The following STK4 variants were observed in gnomAD, a reference collection of about 807,000 sequenced individuals.
STK4 encodes the protein serine/threonine-protein kinase 4.
STK4 carries 30 observed loss-of-function variants against 64.9 expected under a neutral mutation model. The observed-to-expected ratio is 0.46, with a 90% confidence interval of 0.35 to 0.63. STK4 has a LOEUF of 0.63. STK4 is among the 20% of genes least tolerant of loss of function. The pLI, the probability that STK4 is intolerant of heterozygous loss-of-function variation, is 0.01. For missense variants in STK4, 466 were observed against 598.5 expected (o/e 0.78, Z 2.31); for synonymous variants, 177 against 199.0 (o/e 0.89, Z 0.93).
Position 45,001,232 on chromosome 20 carries a change from A to C in STK4, c.1026A>C (p.Arg342=), listed in dbSNP as rs545569053. The C allele has an allele frequency of 1.9e-6, 3 of 1,614,168 alleles. No homozygotes were observed. Among genetic ancestry groups the C allele is most frequent in the African/African-American group, 2.7e-5 (2 of 75,058 alleles). Reference sequence around the variant, plus strand: ...TGGGTGATGAGATGGGCACTGTCCGAGTAGCCAGCACCATGACTGATGGAG... The same window carrying C: ...TGGGTGATGAGATGGGCACTGTCCGCGTAGCCAGCACCATGACTGATGGAG... ...RAVGDEMGTV[R]VASTMTDGAN... is the part of the protein sequence containing the mutation. Residue 342 remains arginine (R), a synonymous_variant, in exon 9 of 11, where the codon CGA becomes CGC. Coordinates refer to ENST00000372806, the MANE Select transcript of STK4 (RefSeq NM_006282.5).
chr20:45,070,744 G>A (rs1296191872), intron 10 of STK4, among the ~76,000 whole-genome samples: 1 of 151,982 alleles, frequency 6.6e-6, no homozygotes, highest in Non-Finnish European at 1.5e-5. Context: ...AAATCTAGCC[G>A]AGCGCAGGTG....
chr20:45,016,950 CCTT>C (rs1052458913), intron 9 of STK4, among the ~76,000 whole-genome samples: 2 of 152,080 alleles, frequency 1.3e-5, no homozygotes, highest in Admixed American at 6.6e-5. Context: ...GCTGTTCTGA[CCTT>C]CTTTTGTTCA....
intron 4 of STK4, 63 bp downstream of exon 4, chr20:44,982,006 C>T: frequency 8.6e-7 from 1 of 1,159,154 alleles, no homozygotes; most frequent in Non-Finnish European, 1.3e-6. Context: ...TTTTCTCTGC[C>T]TCTTTTTCAG....
chr20:45,012,796 C>CT (rs11472577), intron 9 of STK4, among the ~76,000 whole-genome samples: 14,346 of 77,466 alleles, frequency 0.19, 2,844 homozygotes, highest in African/African-American at 0.46. Context: ...TCTTCTTCTT[C>CT]TTCTTTTTTT....
At chr20:44,992,242 ATTT>A (rs1200207330) in intron 5 of STK4, among the ~76,000 whole-genome samples, 2 of 149,350 alleles carry the variant, frequency 1.3e-5, no homozygotes, top group Non-Finnish European at 1.5e-5. Flanking sequence ...TGTTTTTTTT[ATTT>A]TTTATTATTT....
intron 10 of STK4, among the ~76,000 whole-genome samples, chr20:45,059,647 A>G (rs1435024722): frequency 6.6e-6 from 1 of 152,224 alleles, no homozygotes; most frequent in Non-Finnish European, 1.5e-5. Flanking sequence ...TATTTCTGGA[A>G]GTTTCCATTT....
chr20:45,008,253 C>T (rs1827032160), intron 9 of STK4, among the ~76,000 whole-genome samples: 1 of 152,180 alleles, frequency 6.6e-6, no homozygotes, highest in Non-Finnish European at 1.5e-5. Context: ...CAGGGTTTCA[C>T]CATGTCGTCC....
intron 6 of STK4, among the ~76,000 whole-genome samples, chr20:44,996,924 C>G (rs1568702475): frequency 6.6e-6 from 1 of 151,642 alleles, no homozygotes; most frequent in African/African-American, 2.4e-5. Flanking sequence ...AATAAAAAAG[C>G]TTGATTGATG....
intron 9 of STK4, among the ~76,000 whole-genome samples, chr20:45,021,447 C>G (rs1162026901): frequency 6.6e-6 from 1 of 152,194 alleles, no homozygotes; most frequent in Non-Finnish European, 1.5e-5. Context: ...CACTCTCACA[C>G]ATGAAGAAAG....
intron 10 of STK4, among the ~76,000 whole-genome samples, chr20:45,025,912 G>C (rs936815601): frequency 6.6e-6 from 1 of 152,134 alleles, no homozygotes; most frequent in African/African-American, 2.4e-5. Context: ...CTATACTACT[G>C]ACTGGCCTAG....
intron 9 of STK4, among the ~76,000 whole-genome samples, chr20:45,016,434 G>A (rs1824651920): frequency 6.6e-6 from 1 of 152,132 alleles, no homozygotes; most frequent in Admixed American, 6.6e-5. Flanking sequence ...CAGACATCTT[G>A]GTACTTAGGT....
chr20:44,967,727 CT>C (rs2067176651), intron 1 of STK4, among the ~76,000 whole-genome samples: 1 of 152,168 alleles, frequency 6.6e-6, no homozygotes, highest in African/African-American at 2.4e-5. Context: ...GGGCAGCACT[CT>C]TAGGGGTTGT....
At chr20:45,070,584 G>T (rs1979969117) in intron 10 of STK4, among the ~76,000 whole-genome samples, 1 of 152,106 alleles carries the variant, frequency 6.6e-6, no homozygotes, top group Admixed American at 6.6e-5. Flanking sequence ...TTTTGCTTTG[G>T]ATGTGTTAAG....
In STK4 at chr20:45,077,131, G is replaced by A. The variant is rs2145495900; in HGVS notation, c.*1955G>A. ...AAAGATTCCTTCCCAAGGTCATGCA[G>A]CTAGTAAATGATAGAATCAGGATTC... On this transcript the variant is annotated 3_prime_UTR_variant, in exon 11 of 11. Transcript: ENST00000372806. The A allele has an allele frequency of 6.6e-6, 1 of 152,310 alleles. No homozygotes were observed. The highest frequency in any genetic ancestry group is 3.4e-3 in the Middle Eastern group (1 of 294). 9.4% of individuals were successfully genotyped at this position (152,310 alleles called of 1,614,324 possible).
At chr20:45,027,616 T>G (rs1349257351) in intron 10 of STK4, among the ~76,000 whole-genome samples, 1 of 152,200 alleles carries the variant, frequency 6.6e-6, no homozygotes, top group Admixed American at 6.5e-5. Context: ...TTTTTCTTTG[T>G]GTTGGGAACA....
rs979343194 is a variant in STK4 at position 45,024,888 on chromosome 20, A to T, written c.1148-85A>T. The T allele has an allele frequency of 2.3e-6, 3 of 1,302,130 alleles. No individual in the cohort carries two copies. In the East Asian group the frequency reaches 8.2e-5, roughly 36 times the overall value. The allele number at this position is 1,302,130 out of a possible 1,614,324, so 80.7% of individuals were successfully genotyped here. A position where few individuals can be genotyped will look rare whatever the true frequency, so the allele number is the denominator to read the frequency against. On this transcript the variant is annotated intron_variant, in intron 9 of 10. Coordinates refer to ENST00000372806, the MANE Select transcript of STK4 (RefSeq NM_006282.5). ...AAATATCCACTGATCCAGAGATTGT[A>T]GCCCATCTGGAGATATGTCTATTTA...
chr20:44,995,031 T>A, intron 5 of STK4, 59 bp from the exon 6 acceptor site: 4 of 1,245,878 alleles, frequency 3.2e-6, no homozygotes, highest in Non-Finnish European at 4.3e-6. Flanking sequence ...GTAGACTTCC[T>A]CTGTGGACAT....
chr20:44,966,536 A>C lies in STK4; in HGVS notation c.-33A>C. 7.9e-7 allele frequency: 1 copy of C among 1,259,616 alleles called. No individual in the cohort carries two copies. Among genetic ancestry groups the C allele is most frequent in the South Asian group, 3.4e-5 (1 of 29,522 alleles). 78.0% of individuals were successfully genotyped at this position (1,259,616 alleles called of 1,614,324 possible). Reference sequence around the variant, plus strand: ...CAGGAGGTCCGCGGGAGGATGGAGCAGTGAGCGGGTCTGGGCGGCTGCTGG... The same window carrying C: ...CAGGAGGTCCGCGGGAGGATGGAGCCGTGAGCGGGTCTGGGCGGCTGCTGG... On this transcript the variant is annotated 5_prime_UTR_variant, in exon 1 of 11. Coordinates refer to ENST00000372806, the MANE Select transcript of STK4 (RefSeq NM_006282.5).
intron 9 of STK4, among the ~76,000 whole-genome samples, chr20:45,022,428 T>C (rs1345906814): frequency 6.6e-6 from 1 of 152,170 alleles, no homozygotes; most frequent in Non-Finnish European, 1.5e-5. Flanking sequence ...ACAGTTGGTG[T>C]TTTAACTCCA....
Sources: gnomAD v4.1 joint callset for allele counts (sites outside exome capture counted in the v4.1 genomes callset) on GRCh38, gnomAD v4.1.1 for gene constraint, MANE v1.5 for transcripts, NCBI Gene and HGNC (gene_info 2026-07-23, HGNC 2026-07-21) for gene names.